Variants in AGBL1 observed in about 807,000 individuals in gnomAD.
The protein encoded by AGBL1 is AGBL carboxypeptidase 1.
Under a neutral mutation model 118.9 loss-of-function variants are expected in AGBL1, and 130 were observed. The ratio of observed to expected loss-of-function variants is 1.09; its 90% confidence interval spans 0.95 to 1.26. The LOEUF (loss-of-function observed/expected upper bound fraction) is 1.26, where lower values mean the gene tolerates loss of function less well. Among genes scored for constraint, AGBL1 ranks in the 50% most tolerant of loss-of-function variants. The pLI, the probability that AGBL1 is intolerant of heterozygous loss-of-function variation, is 0.00. For synonymous variants in AGBL1, 555 were observed against 478.9 expected (o/e 1.16, Z -2.08); for missense variants, 1,584 against 1,298.1 (o/e 1.22, Z -3.38).
At chr15:86,546,629 T>C (rs1223500688) in intron 20 of AGBL1, among the ~76,000 whole-genome samples, 1 of 152,186 alleles carries the variant, frequency 6.6e-6, no homozygotes, top group Admixed American at 6.5e-5. Flanking sequence ...CATTAAACCA[T>C]CTACATCTCT....
At chr15:86,161,040 GA>G (rs2077260965) in intron 5 of AGBL1, among the ~76,000 whole-genome samples, 1 of 152,180 alleles carries the variant, frequency 6.6e-6, no homozygotes, top group South Asian at 2.1e-4. Context: ...AAAGGGAGTT[GA>G]ATTCAGGCAC....
intron 5 of AGBL1, among the ~76,000 whole-genome samples, chr15:86,161,168 C>T (rs545065924): frequency 6.6e-6 from 1 of 152,322 alleles, no homozygotes; most frequent in African/African-American, 2.4e-5. Flanking sequence ...CATATTTCTA[C>T]ATGTCTGATT....
intron 24 of AGBL1, among the ~76,000 whole-genome samples, chr15:86,997,384 T>C (rs1029315341): frequency 6.6e-6 from 1 of 152,210 alleles, no homozygotes; most frequent in Non-Finnish European, 1.5e-5. Flanking sequence ...CCCTGAAGTA[T>C]ACTCTCCTTC....
intron 21 of AGBL1, among the ~76,000 whole-genome samples, chr15:86,662,012 A>G (rs1298714080): frequency 6.6e-6 from 1 of 152,222 alleles, no homozygotes; most frequent in Non-Finnish European, 1.5e-5. Flanking sequence ...TCAGTTATGT[A>G]GAGGAATAAA....
chr15:86,719,483 C>G (rs1169039533), intron 22 of AGBL1, among the ~76,000 whole-genome samples: 2 of 152,030 alleles, frequency 1.3e-5, no homozygotes, highest in East Asian at 3.9e-4. Context: ...GGAGTAAAGC[C>G]CTCTTTGCAT....
At chr15:86,934,675 C>T (rs2080645421) in intron 23 of AGBL1, among the ~76,000 whole-genome samples, 1 of 137,602 alleles carries the variant, frequency 7.3e-6, no homozygotes. Flanking sequence ...ATTATAGCCC[C>T]TGGAGCTGGT....
chr15:86,844,543 T>C (rs1325503851), intron 22 of AGBL1, among the ~76,000 whole-genome samples: 1 of 152,162 alleles, frequency 6.6e-6, no homozygotes, highest in African/African-American at 2.4e-5. Context: ...ATTTGGCCCA[T>C]TTCTTAATTA....
intron 21 of AGBL1, among the ~76,000 whole-genome samples, chr15:86,582,619 C>T (rs1268323301): frequency 1.3e-5 from 2 of 152,010 alleles, no homozygotes; most frequent in Non-Finnish European, 2.9e-5. Flanking sequence ...GCCAAATGTC[C>T]AACAATGATA....
intron 22 of AGBL1, among the ~76,000 whole-genome samples, chr15:86,839,061 A>G (rs898701931): frequency 6.6e-6 from 1 of 151,680 alleles, no homozygotes; most frequent in Non-Finnish European, 1.5e-5. Flanking sequence ...ATGAGAAGCC[A>G]TATTATAATC....
At chr15:86,756,598 A>T (rs963013531) in intron 22 of AGBL1, among the ~76,000 whole-genome samples, 1 of 152,104 alleles carries the variant, frequency 6.6e-6, no homozygotes, top group African/African-American at 2.4e-5. Context: ...GCTGATTCCT[A>T]AATGAAGATG....
chr15:86,879,730 C>T (rs1341229081), intron 22 of AGBL1, among the ~76,000 whole-genome samples: 1 of 152,130 alleles, frequency 6.6e-6, no homozygotes, highest in African/African-American at 2.4e-5. Flanking sequence ...TCATCTCTGC[C>T]AGGGATGCTC....
chr15:86,371,006 A>G (rs758132716), intron 17 of AGBL1, among the ~76,000 whole-genome samples: 2 of 152,178 alleles, frequency 1.3e-5, no homozygotes, highest in African/African-American at 2.4e-5. Context: ...TTTGAGAATC[A>G]TCAGCATTCA....
chr15:86,631,880 G>A (rs901522748), intron 21 of AGBL1, among the ~76,000 whole-genome samples: 2 of 152,056 alleles, frequency 1.3e-5, no homozygotes, highest in Non-Finnish European at 2.9e-5. Context: ...TCCCTGCTTC[G>A]TACTAGTTTT....
intron 24 of AGBL1, among the ~76,000 whole-genome samples, chr15:87,002,217 A>C (rs1210674760): frequency 6.6e-6 from 1 of 152,064 alleles, no homozygotes; most frequent in African/African-American, 2.4e-5. Flanking sequence ...TTTTCCCAGC[A>C]CCATTTATTA....
At chr15:86,930,159 A>G (rs1179518261) in intron 23 of AGBL1, among the ~76,000 whole-genome samples, 2 of 152,300 alleles carry the variant, frequency 1.3e-5, no homozygotes, top group East Asian at 3.9e-4. Context: ...GCCACAAAAT[A>G]TAACGAATAT....
At chr15:87,026,557 A>G (rs1365981889) in intron 24 of AGBL1, among the ~76,000 whole-genome samples, 1 of 152,132 alleles carries the variant, frequency 6.6e-6, no homozygotes, top group Non-Finnish European at 1.5e-5. Context: ...GGGAATGTAA[A>G]CTAGTACAAT....
intron 18 of AGBL1, among the ~76,000 whole-genome samples, chr15:86,452,451 A>G (rs2082206024): frequency 6.6e-6 from 1 of 151,824 alleles, no homozygotes; most frequent in Admixed American, 6.6e-5. Context: ...ATTTCCATTT[A>G]CTCTCCCTGT....
rs369065495 is a variant in AGBL1 at position 86,235,168 on chromosome 15, C to T, written c.526+10217C>T. 1.4e-4 allele frequency among the ~76,000 whole-genome samples: 22 copies of T among 152,134 alleles called. 1 individual carries two copies. In the East Asian group the frequency reaches 4.0e-3, roughly 28 times the overall value. Reference sequence around the variant, plus strand: ...CCCCTACTTTAGACTATGTGAGCCTCGGATCTGGGGACTCTGTTTTATTCT... The same window carrying T: ...CCCCTACTTTAGACTATGTGAGCCTTGGATCTGGGGACTCTGTTTTATTCT... On this transcript the variant is annotated intron_variant, in intron 6 of 22. Coordinates refer to ENST00000614907, the MANE Select transcript of AGBL1 (RefSeq NM_001386094.1).
At chr15:87,007,223 G>A (rs1436987899) in intron 24 of AGBL1, among the ~76,000 whole-genome samples, 3 of 151,994 alleles carry the variant, frequency 2.0e-5, no homozygotes, top group Non-Finnish European at 2.9e-5. Context: ...TCAAGACCAG[G>A]TTCTTACGCT....
Sources: allele counts gnomAD v4.1 joint callset (sites outside exome capture counted in the v4.1 genomes callset), GRCh38; gene constraint gnomAD v4.1.1; transcripts MANE v1.5; gene names NCBI Gene and HGNC (gene_info 2026-07-23, HGNC 2026-07-21).